The following CDK19 variants were observed in gnomAD, a reference collection of about 807,000 sequenced individuals.
CDK19 encodes the protein cyclin dependent kinase 19.
A neutral mutation model predicts 68.3 loss-of-function variants in CDK19; 20 were observed. The observed-to-expected ratio is 0.29, with a 90% CI of 0.21 to 0.43. CDK19 has a LOEUF of 0.43. CDK19 is among the 20% of genes least tolerant of loss of function. CDK19 has a pLI of 1.00. For missense variants in CDK19, 339 were observed against 623.5 expected, an observed-to-expected ratio of 0.54 and a Z score of 4.86; for synonymous variants, 221 against 222.8, an observed-to-expected ratio of 0.99 and a Z score of 0.07.
chr6:110,643,414 T>C (rs1487978974), intron 4 of CDK19: 5 of 286,224 alleles, frequency 1.7e-5, no homozygotes, highest in South Asian at 3.2e-5. Context: ...AGGATAGAAC[T>C]GGAGATCATC....
In CDK19 at chr6:110,670,735, A is replaced by G. The variant is rs898856285; in HGVS notation, c.205-194T>C. ...CAATATCTTGGTGCATATCTTTCCA[A>G]TCCTTTTTCTATGTGCTTAGGTATA... On this transcript the variant is annotated intron_variant, in intron 2 of 12. Coordinates refer to ENST00000368911, the MANE Select transcript of CDK19 (RefSeq NM_015076.5). 5 of 650,548 alleles carry G rather than the reference A, an allele frequency of 7.7e-6. No homozygotes were observed. In the Admixed American group the frequency reaches 9.3e-5, roughly 12 times the overall value. 40.3% of individuals were successfully genotyped at this position (650,548 alleles called of 1,614,324 possible). A position where few individuals can be genotyped will look rare whatever the true frequency, so the allele number is the denominator to read the frequency against.
intron 2 of CDK19, among the ~76,000 whole-genome samples, chr6:110,689,450 G>A (rs973777548): frequency 6.6e-6 from 1 of 152,174 alleles, no homozygotes; most frequent in Non-Finnish European, 1.5e-5. Context: ...ACCACAGGTG[G>A]TGCTCTCTTG....
chr6:110,726,236 G>GA (rs1212320888), intron 2 of CDK19, among the ~76,000 whole-genome samples: 1 of 152,152 alleles, frequency 6.6e-6, no homozygotes, highest in African/African-American at 2.4e-5. Context: ...AGATGGGAAG[G>GA]AAAGTATTAG....
intron 2 of CDK19, among the ~76,000 whole-genome samples, chr6:110,744,201 T>A (rs979314701): frequency 6.6e-6 from 1 of 151,936 alleles, no homozygotes; most frequent in African/African-American, 2.4e-5. Flanking sequence ...GAGGTGGGAT[T>A]TCCCCATATT....
At chr6:110,717,067 G>A (rs1270454412) in intron 2 of CDK19, among the ~76,000 whole-genome samples, 1 of 152,170 alleles carries the variant, frequency 6.6e-6, no homozygotes, top group Non-Finnish European at 1.5e-5. Context: ...GGGAGGCACA[G>A]GTTGGGGCTG....
intron 4 of CDK19, among the ~76,000 whole-genome samples, chr6:110,639,160 C>G (rs1779968291): frequency 6.6e-6 from 1 of 152,162 alleles, no homozygotes; most frequent in African/African-American, 2.4e-5. Flanking sequence ...TTCAACAACT[C>G]TATTAAAATT....
chr6:110,709,148 G>A (rs1023208148), intron 2 of CDK19, among the ~76,000 whole-genome samples: 6 of 152,084 alleles, frequency 3.9e-5, no homozygotes, highest in African/African-American at 1.2e-4. Context: ...GGTATTGATG[G>A]AACCTCAAAA....
intron 4 of CDK19, among the ~76,000 whole-genome samples, chr6:110,655,545 C>CT (rs1165579275): frequency 3.9e-5 from 6 of 152,188 alleles, no homozygotes; most frequent in Middle Eastern, 3.4e-3. Context: ...CAAAACTCCT[C>CT]TTTTTTTGGT....
chr6:110,628,965 A>G (rs773851941), intron 6 of CDK19, among the ~76,000 whole-genome samples: 1 of 152,162 alleles, frequency 6.6e-6, no homozygotes, highest in African/African-American at 2.4e-5. Flanking sequence ...GAGTAGAGTA[A>G]TAATACTGCT....
At chr6:110,706,052 CTTGT>C (rs1010479143) in intron 2 of CDK19, among the ~76,000 whole-genome samples, 7 of 151,778 alleles carry the variant, frequency 4.6e-5, no homozygotes, top group Middle Eastern at 3.4e-3. Context: ...GTTTTGTTTT[CTTGT>C]TTGTTTGTTT....
At chr6:110,766,922 T>A (rs1173362580) in intron 1 of CDK19, among the ~76,000 whole-genome samples, 2 of 151,486 alleles carry the variant, frequency 1.3e-5, no homozygotes, top group Non-Finnish European at 2.9e-5. Flanking sequence ...ATCACCGAGG[T>A]CAGGAGTTCG....
At chr6:110,672,288 C>T (rs1490751138) in intron 2 of CDK19, among the ~76,000 whole-genome samples, 1 of 152,196 alleles carries the variant, frequency 6.6e-6, no homozygotes, top group African/African-American at 2.4e-5. Flanking sequence ...TAGAACTCCA[C>T]TTCCGCATCT....
intron 9 of CDK19, 145 bp downstream of exon 9, chr6:110,623,145 G>A (rs1778819671): frequency 2.9e-6 from 2 of 690,408 alleles, no homozygotes; most frequent in African/African-American, 3.6e-5. Flanking sequence ...CTGAAAGACA[G>A]GGTGACATCT....
chr6:110,721,193 T>C (rs943005136), intron 2 of CDK19, among the ~76,000 whole-genome samples: 5 of 152,018 alleles, frequency 3.3e-5, no homozygotes, highest in Non-Finnish European at 7.4e-5. Flanking sequence ...TGAGCCAAGA[T>C]TGCACCACTG....
intron 1 of CDK19, among the ~76,000 whole-genome samples, chr6:110,804,341 C>T (rs802687): frequency 0.33 from 49,818 of 151,568 alleles, 9,317 homozygotes; most frequent in East Asian, 0.68. Context: ...GTTAAAGATT[C>T]TTTTTTCTTT....
chr6:110,794,426 CG>C (rs1247583967), intron 1 of CDK19, among the ~76,000 whole-genome samples: 1 of 126,518 alleles, frequency 7.9e-6, no homozygotes, highest in African/African-American at 2.9e-5. Context: ...TTTTTTGAGA[CG>C]CGTCTCACTC....
chr6:110,651,010 G>A (rs1001406935), intron 4 of CDK19, among the ~76,000 whole-genome samples: 2 of 152,122 alleles, frequency 1.3e-5, no homozygotes, highest in East Asian at 1.9e-4. Flanking sequence ...TTGGGTGAGC[G>A]AGCAGACTGG....
chr6:110,703,973 A>T (rs1335933379), intron 2 of CDK19, among the ~76,000 whole-genome samples: 3 of 152,260 alleles, frequency 2.0e-5, no homozygotes, highest in Admixed American at 6.5e-5. Context: ...TGAAGAGGTC[A>T]CCAAAATAAT....
rs1266117834 is a variant in CDK19, at chr6:110,698,220, C to T, written c.205-27679G>A. Among the ~76,000 whole-genome samples, 3 of 151,882 alleles carry T rather than the reference C, an allele frequency of 2.0e-5. No homozygotes were observed. In the East Asian group the frequency reaches 5.8e-4, roughly 29 times the overall value. ...AGCAAAAGAAATAATCACGAGTAAA[C>T]AACCCACAGAATGGGAGAAAATATT... On this transcript the variant is annotated intron_variant, in intron 2 of 12. Coordinates refer to ENST00000368911, the MANE Select transcript of CDK19 (RefSeq NM_015076.5).
Sources: allele counts gnomAD v4.1 joint callset (sites outside exome capture counted in the v4.1 genomes callset), GRCh38; gene constraint gnomAD v4.1.1; transcripts MANE v1.5; gene names NCBI Gene and HGNC (gene_info 2026-07-23, HGNC 2026-07-21).